The following SH3KBP1 variants were observed in gnomAD, a reference collection of about 807,000 sequenced individuals.
SH3KBP1 encodes SH3 domain containing kinase binding protein 1, also known as SH3 domain-containing kinase-binding protein 1.
A neutral mutation model predicts 50.1 loss-of-function variants in SH3KBP1; 8 were observed. That is an observed-to-expected ratio of 0.16 (90% confidence interval 0.09 to 0.29). The LOEUF (loss-of-function observed/expected upper bound fraction) is 0.29, where lower values mean the gene tolerates loss of function less well. SH3KBP1 is among the 10% of genes least tolerant of loss of function. The pLI, the probability that SH3KBP1 is intolerant of heterozygous loss-of-function variation, is 1.00. For synonymous variants in SH3KBP1, 227 were observed against 218.6 expected, an observed-to-expected ratio of 1.04 and a Z score of -0.34; for missense variants, 377 against 535.2, an observed-to-expected ratio of 0.70 and a Z score of 2.92.
rs965717287 is a variant in SH3KBP1, at chrX:19,645,480, G to A, written c.727-5C>T. The A allele has an allele frequency of 1.7e-6, 2 of 1,160,067 alleles. No individual in the cohort carries two copies. The highest frequency in any genetic ancestry group is 4.7e-4 in the Middle Eastern group (2 of 4,221). ...AGGTAACTTCTTCCCAATAGTCTGA[G>A]GGGAAAAACAGATGATTTTACTTAT... On this transcript the variant is annotated splice_region_variant and splice_polypyrimidine_tract_variant and intron_variant, in intron 6 of 17. Coordinates refer to ENST00000397821, the MANE Select transcript of SH3KBP1 (RefSeq NM_031892.3).
chrX:19,552,536 C>T (rs762502025), intron 13 of SH3KBP1, among the ~76,000 whole-genome samples: 25 of 110,506 alleles, frequency 2.3e-4, no homozygotes, highest in Non-Finnish European at 4.0e-4. Flanking sequence ...CTGCCAACGG[C>T]CTTGGCTGGT....
chrX:19,819,632 G>A (rs1245470877), intron 2 of SH3KBP1, among the ~76,000 whole-genome samples: 3 of 111,674 alleles, frequency 2.7e-5, no homozygotes, highest in Non-Finnish European at 3.8e-5. Context: ...TTTCAAACAT[G>A]AGCCACTGTA....
chrX:19,751,306 CCTGGGA>C (rs2065058805), intron 2 of SH3KBP1, among the ~76,000 whole-genome samples: 1 of 111,323 alleles, frequency 9.0e-6, no homozygotes, highest in Non-Finnish European at 1.9e-5. Context: ...CTCTGGATTT[CCTGGGA>C]CTGGGGGTTC....
chrX:19,810,860 CAA>C (rs1178041703), intron 2 of SH3KBP1, among the ~76,000 whole-genome samples: 2 of 111,964 alleles, frequency 1.8e-5, no homozygotes, highest in East Asian at 2.8e-4. Context: ...TTATATGCAC[CAA>C]AGAGATCAGC....
chrX:19,586,046 G>T (rs950620204), intron 12 of SH3KBP1, among the ~76,000 whole-genome samples: 79 of 112,033 alleles, frequency 7.1e-4, no homozygotes, highest in Non-Finnish European at 8.8e-4. Flanking sequence ...TCTTCCACTG[G>T]CTTCACGAAC....
At chrX:19,690,599 G>C (rs1283239323) in intron 5 of SH3KBP1, among the ~76,000 whole-genome samples, 1 of 112,013 alleles carries the variant, frequency 8.9e-6, no homozygotes, top group African/African-American at 3.2e-5. Flanking sequence ...TTATTTGAAA[G>C]CAAATAATAT....
chrX:19,596,087 C>T (rs1212353242), intron 9 of SH3KBP1, among the ~76,000 whole-genome samples: 1 of 111,584 alleles, frequency 9.0e-6, no homozygotes. Context: ...TTCCTCCCTT[C>T]TCTGTCGTTG....
chrX:19,648,419 G>A (rs1306055383), intron 6 of SH3KBP1, among the ~76,000 whole-genome samples: 1 of 97,919 alleles, frequency 1.0e-5, no homozygotes, highest in African/African-American at 3.8e-5. Context: ...GAAAGATGAA[G>A]GAAGGAAGGA....
chrX:19,681,237 T>C (rs1449609973), intron 6 of SH3KBP1, among the ~76,000 whole-genome samples: 1 of 112,104 alleles, frequency 8.9e-6, no homozygotes, highest in African/African-American at 3.3e-5. Context: ...CATATATGTG[T>C]CTGATGAAGT....
intron 2 of SH3KBP1, among the ~76,000 whole-genome samples, chrX:19,773,050 T>C (rs2065838605): frequency 9.0e-6 from 1 of 111,078 alleles, no homozygotes; most frequent in African/African-American, 3.3e-5. Context: ...AGAACCCCCA[T>C]ACACAGAGAC....
chrX:19,582,706 G>C (rs1224165630), intron 12 of SH3KBP1, among the ~76,000 whole-genome samples: 2 of 111,011 alleles, frequency 1.8e-5, no homozygotes, highest in East Asian at 5.6e-4. Flanking sequence ...CTAACTCAAG[G>C]CTCCCTGACA....
At chrX:19,541,211 C>G (rs769188115) in intron 16 of SH3KBP1, among the ~76,000 whole-genome samples, 1 of 112,205 alleles carries the variant, frequency 8.9e-6, no homozygotes, top group African/African-American at 3.2e-5. Context: ...GCCACCATGC[C>G]CATTCTCTAC....
chrX:19,604,422 G>T (rs1428671411), intron 9 of SH3KBP1, among the ~76,000 whole-genome samples: 1 of 111,864 alleles, frequency 8.9e-6, no homozygotes, highest in African/African-American at 3.3e-5. Flanking sequence ...CACCCCAGCA[G>T]AAAATATGTC....
At chrX:19,673,151 T>C (rs944279748) in intron 6 of SH3KBP1, among the ~76,000 whole-genome samples, 1 of 109,871 alleles carries the variant, frequency 9.1e-6, no homozygotes, top group African/African-American at 3.3e-5. Flanking sequence ...GTGTGAGGTA[T>C]GTGGGAACTC....
At chrX:19,670,975 C>T (rs1292439644) in intron 6 of SH3KBP1, 1 of 1,092,572 alleles carries the variant, frequency 9.2e-7, no homozygotes, top group African/African-American at 1.9e-5. Flanking sequence ...CCCAGCCTAA[C>T]CCTGAGTCAT....
chrX:19,590,290 C>G (rs2066704357), intron 11 of SH3KBP1, among the ~76,000 whole-genome samples: 1 of 111,114 alleles, frequency 9.0e-6, no homozygotes, highest in Non-Finnish European at 1.9e-5. Flanking sequence ...AGGACAGGGA[C>G]AGGAACTCCA....
intron 2 of SH3KBP1, among the ~76,000 whole-genome samples, chrX:19,790,782 A>T (rs1285743997): frequency 2.7e-5 from 3 of 110,748 alleles, no homozygotes; most frequent in Non-Finnish European, 3.8e-5. Context: ...ATTATGTTCC[A>T]TTTGATACAG....
At chrX:19,873,162 A>G (rs1381210432) in intron 1 of SH3KBP1, among the ~76,000 whole-genome samples, 2 of 107,684 alleles carry the variant, frequency 1.9e-5, no homozygotes, top group African/African-American at 6.8e-5. Flanking sequence ...AAGCTACCTA[A>G]ATGCTCAAAT....
At chrX:19,608,306 C>CTTTTTTT (rs57794070) in intron 8 of SH3KBP1, among the ~76,000 whole-genome samples, 4 of 87,269 alleles carry the variant, frequency 4.6e-5, no homozygotes, top group Admixed American at 1.2e-4. Context: ...TTCTTTCTTT[C>CTTTTTTT]TTTTTTTTTT....
Sources: allele counts gnomAD v4.1 joint callset (sites outside exome capture counted in the v4.1 genomes callset), GRCh38; gene constraint gnomAD v4.1.1; transcripts MANE v1.5; gene names NCBI Gene and HGNC (gene_info 2026-07-23, HGNC 2026-07-21).